The following SGCG variants were observed in gnomAD, a reference collection of about 807,000 sequenced individuals.
The protein encoded by SGCG is sarcoglycan gamma.
In SGCG, 26 loss-of-function variants were observed where a neutral mutation model predicts 29.3. That is an observed-to-expected ratio of 0.89 (90% CI 0.65 to 1.23). The LOEUF is 1.23. Among genes scored for constraint, SGCG ranks in the 50% most tolerant of loss-of-function variants. The pLI, the probability that SGCG is intolerant of heterozygous loss-of-function variation, is 0.00. For missense variants in SGCG, 353 were observed against 356.0 expected (o/e 0.99, Z 0.07); for synonymous variants, 145 against 129.7 (o/e 1.12, Z -0.80).
chr13:23,284,665 A>G (rs1881430730), intron 5 of SGCG, among the ~76,000 whole-genome samples: 1 of 152,132 alleles, frequency 6.6e-6, no homozygotes, highest in Admixed American at 6.5e-5. Context: ...AGGAGTTGTG[A>G]TCCTTTGGAG....
At chr13:23,302,911 A>G (rs1389747833) in intron 6 of SGCG, among the ~76,000 whole-genome samples, 8 of 152,200 alleles carry the variant, frequency 5.3e-5, no homozygotes, top group Admixed American at 2.0e-4. Context: ...TTATTTTTTA[A>G]AAAGTCACTC....
chr13:23,279,260 G>A, intron 4 of SGCG, 99 bp from the exon 5 acceptor site: 4 of 1,115,222 alleles, frequency 3.6e-6, no homozygotes, highest in Non-Finnish European at 5.4e-6. Context: ...CAAGTCTTTA[G>A]ATACTTGGTA....
chr13:23,193,707 A>G (rs1414292250), intron 1 of SGCG, among the ~76,000 whole-genome samples: 1 of 152,214 alleles, frequency 6.6e-6, no homozygotes, highest in East Asian at 1.9e-4. Flanking sequence ...GATGTCAAAC[A>G]GGCAATTATC....
intron 6 of SGCG, among the ~76,000 whole-genome samples, chr13:23,299,244 T>C (rs1275487009): frequency 2.0e-5 from 3 of 151,424 alleles, no homozygotes; most frequent in Non-Finnish European, 4.4e-5. Flanking sequence ...AGATTGATTC[T>C]TTGATTTACA....
intron 1 of SGCG, among the ~76,000 whole-genome samples, chr13:23,192,096 A>T (rs138644562): frequency 0.019 from 2,920 of 150,194 alleles, 98 homozygotes; most frequent in African/African-American, 0.067. Context: ...AATGACGTGA[A>T]CCCGGGAAGC....
chr13:23,236,601 C>T (rs1879326222), intron 3 of SGCG, among the ~76,000 whole-genome samples: 1 of 152,082 alleles, frequency 6.6e-6, no homozygotes, highest in South Asian at 2.1e-4. Flanking sequence ...TGGCGTGAAC[C>T]TGGAAGGTGG....
At position 23,242,238 on chromosome 13, in the gene SGCG, A is replaced by G. The variant is rs139425030; in HGVS notation, c.297+7526A>G. On this transcript the variant is annotated intron_variant, in intron 3 of 7. Coordinates refer to ENST00000218867, the MANE Select transcript of SGCG (RefSeq NM_000231.3). Reference sequence around the variant, plus strand: ...TTCAATGATTAAATTAGTTTCTGCCATTCCCATATTAGGTTCAAGTTGGAA... The same window carrying G: ...TTCAATGATTAAATTAGTTTCTGCCGTTCCCATATTAGGTTCAAGTTGGAA... Among the ~76,000 whole-genome samples the G allele has an allele frequency of 1.3e-4, 20 of 152,296 alleles. No homozygotes were observed. The East Asian group carries it at 3.9e-3, about 29-fold the overall frequency.
intron 4 of SGCG, among the ~76,000 whole-genome samples, chr13:23,269,966 C>T (rs1880806857): frequency 1.3e-5 from 2 of 151,376 alleles, no homozygotes; most frequent in African/African-American, 4.9e-5. Context: ...GCTCCGCCTC[C>T]CAGGTTCACG....
the SGCG span, among the ~76,000 whole-genome samples, chr13:23,166,964 A>G: frequency 6.6e-6 from 1 of 152,180 alleles, no homozygotes; most frequent in Admixed American, 6.5e-5. Context: ...ATTATTATTG[A>G]CTATAGTCAT....
intron 3 of SGCG, among the ~76,000 whole-genome samples, chr13:23,241,379 T>C (rs1205399941): frequency 2.6e-5 from 4 of 152,048 alleles, no homozygotes; most frequent in African/African-American, 7.2e-5. Flanking sequence ...GGAAAATGGA[T>C]AAATATTTGG....
At chr13:23,222,349 G>T (rs1221409319) in intron 2 of SGCG, among the ~76,000 whole-genome samples, 3 of 148,372 alleles carry the variant, frequency 2.0e-5, no homozygotes, top group African/African-American at 7.5e-5. Context: ...TCACAGACAT[G>T]CAGATGTTCT....
rs375567256 is a variant in SGCG, at chr13:23,190,233, ATAATAT to A, written c.-1+9164_-1+9169del. Among the ~76,000 whole-genome samples the A allele has an allele frequency of 3.4e-3, 510 of 152,204 alleles. 1 individual carries two copies. The highest frequency in any genetic ancestry group is 6.6e-3 in the Non-Finnish European group (451 of 68,002). Reference sequence around the variant, plus strand: ...GGTATTTGAGAGTCTTGATTGATTGATAATATTAATAATATATGGCATTATAGAGTT... The same window carrying A: ...GGTATTTGAGAGTCTTGATTGATTGATAATAATATATGGCATTATAGAGTT... On this transcript the variant is annotated intron_variant, in intron 1 of 7. Coordinates refer to ENST00000218867, the MANE Select transcript of SGCG (RefSeq NM_000231.3).
At chr13:23,279,238 G>A (rs1487586746) in intron 4 of SGCG, 121 bp from the exon 5 acceptor site, 1 of 901,318 alleles carries the variant, frequency 1.1e-6, no homozygotes, top group Non-Finnish European at 1.8e-6. Flanking sequence ...TACCACTAAT[G>A]GTAACAAATA....
chr13:23,310,847 A>C (rs1358027650), intron 6 of SGCG, among the ~76,000 whole-genome samples: 1 of 152,140 alleles, frequency 6.6e-6, no homozygotes, highest in African/African-American at 2.4e-5. Flanking sequence ...CTTCTTCCCA[A>C]ATAATATTTT....
chr13:23,247,899 T>C (rs1467642320), intron 3 of SGCG, among the ~76,000 whole-genome samples: 1 of 147,574 alleles, frequency 6.8e-6, no homozygotes, highest in Admixed American at 6.8e-5. Context: ...TACAGTGAAC[T>C]GTATACTCAC....
In SGCG at chr13:23,187,567, A is replaced by C. The variant is rs1347067059; in HGVS notation, c.-1+6492A>C. On this transcript the variant is annotated intron_variant, in intron 1 of 7. Coordinates refer to ENST00000218867, the MANE Select transcript of SGCG (RefSeq NM_000231.3). ...GGATTGCACCCACAGAGGCCTACCA[A>C]ATGTGGCCCGTTTCCTCCCTGGAAG... Among the ~76,000 whole-genome samples the C allele has an allele frequency of 2.0e-5, 3 of 152,146 alleles. No individual in the cohort carries two copies. In the East Asian group the frequency reaches 5.8e-4, roughly 29 times the overall value.
intron 6 of SGCG, among the ~76,000 whole-genome samples, chr13:23,311,791 A>G (rs1649682283): frequency 6.6e-6 from 1 of 152,122 alleles, no homozygotes; most frequent in African/African-American, 2.4e-5. Context: ...TTTCTATCTA[A>G]TTTCTCAAAT....
At chr13:23,174,655 C>T in the SGCG span, among the ~76,000 whole-genome samples, 12 of 152,000 alleles carry the variant, frequency 7.9e-5, no homozygotes, top group Non-Finnish European at 2.9e-5. Flanking sequence ...GTGGGAAAAG[C>T]CGTAATGTCA....
rs781760379 is a variant in SGCG at position 23,203,852 on chromosome 13, T to C, written c.158T>C (p.Leu53Pro). 9.9e-6 allele frequency: 16 copies of C among 1,613,860 alleles called. No homozygotes were observed. The highest frequency in any genetic ancestry group is 1.4e-5 in the Non-Finnish European group (16 of 1,179,710). The change falls in exon 2 of 8, where the codon CTT becomes CCT. Residue 53 changes from leucine to proline, a missense_variant. Leu to Pro is a moderately conservative substitution (Grantham distance 98, BLOSUM62 -3). Transcript: ENST00000218867. ...ATCATCCTCGTTGTGAATTTAGCTCTTACAATTTGGATTCTTAAAGTGATG... is the reference window on the plus strand; with the variant it reads ...ATCATCCTCGTTGTGAATTTAGCTCCTACAATTTGGATTCTTAAAGTGATG... Reference protein sequence around the residue: ...LLIILVVNLALTIWILKVMWF... With the variant: ...LLIILVVNLAPTIWILKVMWF...
Sources: allele counts gnomAD v4.1 joint callset (sites outside exome capture counted in the v4.1 genomes callset), GRCh38; gene constraint gnomAD v4.1.1; transcripts MANE v1.5; gene names NCBI Gene and HGNC (gene_info 2026-07-23, HGNC 2026-07-21).